Variants in C8orf34 observed in about 807,000 individuals in gnomAD.
The protein encoded by C8orf34 is uncharacterized protein C8orf34.
Under a neutral mutation model 68.3 loss-of-function variants are expected in C8orf34, and 65 were observed. That is an observed-to-expected ratio of 0.95 (90% CI 0.78 to 1.17). The LOEUF (loss-of-function observed/expected upper bound fraction) is 1.17. C8orf34 is among the 50% of genes most tolerant of loss of function. C8orf34 has a pLI of 0.00. For synonymous variants in C8orf34, 244 were observed against 241.2 expected (o/e 1.01, Z -0.11); for missense variants, 664 against 655.4 (o/e 1.01, Z -0.14).
Position 68,521,942 on chromosome 8 carries a change from T to A in C8orf34, c.909T>A (p.Ser303Arg). ...GAAGCAAAAATGACCAATGGGAAAG[T>A]GAAGATAGTGGCTCTAGTCCTGCAG... ...IPRSKNDQWE[S>R]EDSGSSPAGS... The change falls in exon 6 of 14, where the codon AGT becomes AGA. Residue 303 changes from serine to arginine, a missense_variant. Coordinates refer to ENST00000518698, the MANE Select transcript of C8orf34 (RefSeq NM_052958.4). The A allele has an allele frequency of 6.2e-7, 1 of 1,614,068 alleles. No individual in the cohort carries two copies. The highest frequency in any genetic ancestry group is 8.5e-7 in the Non-Finnish European group (1 of 1,179,974).
chr8:68,669,690 C>A (rs1316873244), intron 8 of C8orf34, among the ~76,000 whole-genome samples: 1 of 152,168 alleles, frequency 6.6e-6, no homozygotes, highest in East Asian at 1.9e-4. Context: ...CAGATGGATT[C>A]ATACACCTAC....
chr8:68,698,733 G>A (rs1820905627), intron 8 of C8orf34, among the ~76,000 whole-genome samples: 1 of 152,090 alleles, frequency 6.6e-6, no homozygotes, highest in Non-Finnish European at 1.5e-5. Flanking sequence ...GATGTCTGCT[G>A]ACCAAGCAAT....
chr8:68,691,973 T>G (rs1406584043), intron 8 of C8orf34, among the ~76,000 whole-genome samples: 2 of 152,042 alleles, frequency 1.3e-5, no homozygotes, highest in Admixed American at 6.6e-5. Flanking sequence ...GGGGAGACTC[T>G]TTCTGTGAGT....
chr8:68,505,707 C>T (rs911826988), intron 5 of C8orf34, among the ~76,000 whole-genome samples: 4 of 90,390 alleles, frequency 4.4e-5, no homozygotes, highest in Non-Finnish European at 7.6e-5. Context: ...GTCCGCAGTC[C>T]GGCCTGGGCG....
At chr8:68,438,730 A>G (rs1283286253) in intron 1 of C8orf34, 1 of 152,162 alleles carries the variant, frequency 6.6e-6, no homozygotes. Context: ...AAATCTAGGG[A>G]TTCTAATGGA....
At chr8:68,714,180 A>G (rs191516995) in intron 9 of C8orf34, among the ~76,000 whole-genome samples, 11 of 152,266 alleles carry the variant, frequency 7.2e-5, no homozygotes, top group Non-Finnish European at 1.2e-4. Flanking sequence ...CATGGCCAAC[A>G]TTATACTGAA....
rs537257423 is a variant in C8orf34 at position 68,728,157 on chromosome 8, C to G, written c.1404+6720C>G. ...TCCTCCTCCAGATACCCTAAATAGT[C>G]TCTCTCAAGTTCAAAGTACCACAAA... On this transcript the variant is annotated intron_variant, in intron 10 of 13. Coordinates refer to ENST00000518698, the MANE Select transcript of C8orf34 (RefSeq NM_052958.4). 2.0e-5 allele frequency among the ~76,000 whole-genome samples: 3 copies of G among 152,298 alleles called. No homozygotes were observed. In the South Asian group the frequency reaches 6.2e-4, roughly 32 times the overall value.
chr8:68,380,775 T>C (rs1414124752), intron 1 of C8orf34, among the ~76,000 whole-genome samples: 1 of 152,340 alleles, frequency 6.6e-6, no homozygotes, highest in East Asian at 1.9e-4. Context: ...ACTTCAGGAT[T>C]GAAACTCAGG....
intron 13 of C8orf34, among the ~76,000 whole-genome samples, chr8:68,817,898 A>T (rs1005950764): frequency 1.3e-5 from 2 of 152,148 alleles, no homozygotes; most frequent in Non-Finnish European, 1.5e-5. Flanking sequence ...GTGAGACCTC[A>T]CTATCCTGAG....
At chr8:68,701,839 G>A (rs184386114) in intron 8 of C8orf34, among the ~76,000 whole-genome samples, 78 of 151,996 alleles carry the variant, frequency 5.1e-4, no homozygotes, top group African/African-American at 1.2e-3. Context: ...AAGCCACTCC[G>A]GTCATTGGCC....
intron 7 of C8orf34, among the ~76,000 whole-genome samples, chr8:68,603,557 C>A (rs60935557): frequency 0.26 from 39,479 of 149,218 alleles, 7,522 homozygotes; most frequent in African/African-American, 0.54. Context: ...ATCTATCTAT[C>A]TATCTATCTA....
At chr8:68,650,700 C>T (rs1819331625) in intron 8 of C8orf34, among the ~76,000 whole-genome samples, 2 of 151,952 alleles carry the variant, frequency 1.3e-5, no homozygotes, top group South Asian at 2.1e-4. Context: ...GGGATGGTCT[C>T]GATCTCCTGA....
intron 8 of C8orf34, among the ~76,000 whole-genome samples, chr8:68,690,494 C>T (rs570880000): frequency 8.5e-4 from 129 of 152,024 alleles, no homozygotes; most frequent in African/African-American, 2.7e-3. Context: ...AAAATCAAGG[C>T]GCCAGGAGAT....
chr8:68,588,178 T>C (rs1384376475), intron 7 of C8orf34, among the ~76,000 whole-genome samples: 1 of 152,134 alleles, frequency 6.6e-6, no homozygotes, highest in Non-Finnish European at 1.5e-5. Context: ...GGAAATCTAG[T>C]TGTCTGTTAG....
chr8:68,686,061 T>A (rs1820507767), intron 8 of C8orf34, among the ~76,000 whole-genome samples: 1 of 151,718 alleles, frequency 6.6e-6, no homozygotes, highest in East Asian at 1.9e-4. Context: ...CCTGGAAACA[T>A]ACAACCCTCC....
intron 10 of C8orf34, among the ~76,000 whole-genome samples, chr8:68,750,538 G>A (rs755735958): frequency 3.3e-5 from 5 of 152,064 alleles, no homozygotes; most frequent in Non-Finnish European, 7.4e-5. Flanking sequence ...TAGTTGTGAT[G>A]GTTGCACAGC....
chr8:68,610,711 A>C (rs551435883), intron 7 of C8orf34, among the ~76,000 whole-genome samples: 2 of 152,172 alleles, frequency 1.3e-5, no homozygotes, highest in South Asian at 4.2e-4. Context: ...TGAAAACTAT[A>C]AAAAAACAGT....
intron 4 of C8orf34, among the ~76,000 whole-genome samples, chr8:68,471,944 ACACACACAC>A (rs1812396832): frequency 6.6e-6 from 1 of 151,710 alleles, no homozygotes; most frequent in Non-Finnish European, 1.5e-5. Flanking sequence ...ACACACACAC[ACACACACAC>A]ACACACACAC....
At chr8:68,787,670 T>TG (rs1823883048) in intron 12 of C8orf34, 134 bp downstream of exon 12, 1 of 550,288 alleles carries the variant, frequency 1.8e-6, no homozygotes, top group Admixed American at 3.2e-5. Flanking sequence ...GAAGAACATG[T>TG]AAAGACAAGC....
Sources: gnomAD v4.1 joint callset for allele counts (sites outside exome capture counted in the v4.1 genomes callset) on GRCh38, gnomAD v4.1.1 for gene constraint, MANE v1.5 for transcripts, NCBI Gene and HGNC (gene_info 2026-07-23, HGNC 2026-07-21) for gene names.